SH3D19: variants seen among roughly 807,000 people sequenced by gnomAD.
SH3D19 encodes the protein SH3 domain containing 19, also known as SH3 domain-containing protein 19.
SH3D19 carries 58 observed loss-of-function variants against 112.1 expected under a neutral mutation model. That is an observed-to-expected ratio of 0.52 (90% CI 0.42 to 0.64). The LOEUF (loss-of-function observed/expected upper bound fraction) is 0.64. SH3D19 is among the 30% of genes least tolerant of loss of function. The pLI is 0.00. For synonymous variants in SH3D19, 391 were observed against 448.5 expected, an observed-to-expected ratio of 0.87 and a Z score of 1.62; for missense variants, 1,090 against 1,263.4, an observed-to-expected ratio of 0.86 and a Z score of 2.08.
At chr4:151,317,255 G>A (rs960320790) in intron 1 of SH3D19, among the ~76,000 whole-genome samples, 2 of 152,144 alleles carry the variant, frequency 1.3e-5, no homozygotes, top group Admixed American at 6.5e-5. Context: ...AAACTATGTC[G>A]GAAGTTATTT....
At position 151,235,054 on chromosome 4, in the gene SH3D19, A is replaced by G. The variant is rs149498545; in HGVS notation, c.113-8968T>C. 2.6e-5 allele frequency among the ~76,000 whole-genome samples: 4 copies of G among 152,046 alleles called. No homozygotes were observed. The East Asian group carries it at 7.7e-4, about 29-fold the overall frequency. ...CATGAGCCATCACACCCAGCCTCCA[A>G]CTTTTATTTTAGGTTCAGGGGTGCA... On this transcript the variant is annotated intron_variant, in intron 1 of 19. Transcript: ENST00000604030.
At chr4:151,227,626 A>C (rs1431482989) in intron 1 of SH3D19, 1 of 396,866 alleles carries the variant, frequency 2.5e-6, no homozygotes, top group African/African-American at 2.2e-5. Context: ...GGCACATTTA[A>C]ATCATTTCTC....
chr4:151,154,147 T>G (rs1445729580), intron 9 of SH3D19, among the ~76,000 whole-genome samples: 1 of 146,232 alleles, frequency 6.8e-6, no homozygotes, highest in Non-Finnish European at 1.5e-5. Flanking sequence ...TTTTTTTTTT[T>G]GTGAGATGGA....
At chr4:151,215,867 C>T (rs1766988479) in intron 2 of SH3D19, among the ~76,000 whole-genome samples, 1 of 151,932 alleles carries the variant, frequency 6.6e-6, no homozygotes, top group Non-Finnish European at 1.5e-5. Context: ...GCTCTGTTGC[C>T]CAGGCTGGAG....
At chr4:151,216,931 T>C (rs926712818) in intron 2 of SH3D19, among the ~76,000 whole-genome samples, 2 of 141,968 alleles carry the variant, frequency 1.4e-5, no homozygotes. Flanking sequence ...GTGTGTATTC[T>C]CTGTAGGATG....
chr4:151,294,443 T>C (rs1309777233), intron 1 of SH3D19, among the ~76,000 whole-genome samples: 2 of 152,192 alleles, frequency 1.3e-5, no homozygotes, highest in Admixed American at 1.3e-4. Context: ...AAAAAAGGAA[T>C]ATCAAGAGAA....
At chr4:151,324,996 C>G (rs922775265) in intron 1 of SH3D19, among the ~76,000 whole-genome samples, 1 of 152,108 alleles carries the variant, frequency 6.6e-6, no homozygotes, top group East Asian at 1.9e-4. Flanking sequence ...TTAGTGTGCA[C>G]GGAAAATTTG....
At chr4:151,234,172 GA>G (rs1234246098) in intron 1 of SH3D19, among the ~76,000 whole-genome samples, 1 of 152,150 alleles carries the variant, frequency 6.6e-6, no homozygotes, top group East Asian at 1.9e-4. Context: ...AAACGCACAG[GA>G]AAAAACTACA....
chr4:151,166,592 T>C (rs57303168), intron 7 of SH3D19, among the ~76,000 whole-genome samples: 8,214 of 152,144 alleles, frequency 0.054, 711 homozygotes, highest in African/African-American at 0.18. Flanking sequence ...CAGGATCGCA[T>C]GAGACTGTCT....
chr4:151,303,734 G>A (rs1728669233), intron 1 of SH3D19, among the ~76,000 whole-genome samples: 1 of 152,098 alleles, frequency 6.6e-6, no homozygotes, highest in South Asian at 2.1e-4. Context: ...ATCATGTTTT[G>A]AAAAGTAACA....
intron 1 of SH3D19, among the ~76,000 whole-genome samples, chr4:151,245,573 C>G (rs1052721887): frequency 2.6e-5 from 4 of 152,086 alleles, no homozygotes; most frequent in Non-Finnish European, 5.9e-5. Context: ...TATTGGATGG[C>G]TTTGCATTGG....
At chr4:151,166,402 A>C (rs1758033622) in intron 7 of SH3D19, 1 of 152,188 alleles carries the variant, frequency 6.6e-6, no homozygotes, top group South Asian at 2.1e-4. Context: ...ACTTAGGAGA[A>C]ATACTTTAAA....
At chr4:151,180,497 C>T (rs889248472) in intron 3 of SH3D19, among the ~76,000 whole-genome samples, 1 of 146,996 alleles carries the variant, frequency 6.8e-6, no homozygotes, top group Non-Finnish European at 1.5e-5. Flanking sequence ...AGCTCTGCCT[C>T]CTGGGTTCAC....
At chr4:151,216,141 T>G (rs1291024461) in intron 2 of SH3D19, among the ~76,000 whole-genome samples, 1 of 152,186 alleles carries the variant, frequency 6.6e-6, no homozygotes, top group Non-Finnish European at 1.5e-5. Context: ...GGTGTTACCT[T>G]TAAGGACAAG....
intron 1 of SH3D19, among the ~76,000 whole-genome samples, chr4:151,292,743 A>T (rs76279766): frequency 0.079 from 12,035 of 152,224 alleles, 534 homozygotes; most frequent in Middle Eastern, 0.12. Flanking sequence ...GTTTTATTGC[A>T]TCTGTGTCTT....
chr4:151,123,896 G>C (rs916366751), intron 19 of SH3D19, among the ~76,000 whole-genome samples: 10 of 152,060 alleles, frequency 6.6e-5, no homozygotes, highest in African/African-American at 2.4e-4. Context: ...TTGATTTAAG[G>C]CTTTTCTTTA....
intron 1 of SH3D19, among the ~76,000 whole-genome samples, chr4:151,302,532 T>C (rs915789411): frequency 5.3e-5 from 8 of 152,176 alleles, no homozygotes; most frequent in African/African-American, 1.2e-4. Flanking sequence ...TAGCAAACTT[T>C]TTCTGTAAAG....
At chr4:151,255,117 C>CG (rs1359184264) in intron 1 of SH3D19, among the ~76,000 whole-genome samples, 3 of 147,888 alleles carry the variant, frequency 2.0e-5, no homozygotes, top group South Asian at 2.1e-4. Flanking sequence ...GCTGGCCTGG[C>CG]GGGGGGCTGA....
intron 3 of SH3D19, among the ~76,000 whole-genome samples, 180 bp downstream of exon 3, chr4:151,187,243 G>A (rs1452669018): frequency 1.3e-5 from 2 of 152,088 alleles, no homozygotes; most frequent in Admixed American, 1.3e-4. Flanking sequence ...CTGAGAAACC[G>A]GCTTATCAAT....
Sources: gnomAD v4.1 joint callset for allele counts (sites outside exome capture counted in the v4.1 genomes callset) on GRCh38, gnomAD v4.1.1 for gene constraint, MANE v1.5 for transcripts, NCBI Gene and HGNC (gene_info 2026-07-23, HGNC 2026-07-21) for gene names.